ATP13A4: variants seen among roughly 807,000 people sequenced by gnomAD.
The protein encoded by ATP13A4 is probable cation-transporting ATPase 13A4.
In ATP13A4, 114 loss-of-function variants were observed where a neutral mutation model predicts 142.5. That is an observed-to-expected ratio of 0.80 (90% CI 0.69 to 0.93). The LOEUF (loss-of-function observed/expected upper bound fraction) is 0.93, where lower values mean the gene tolerates loss of function less well. Among genes scored for constraint, ATP13A4 ranks in the 40% least tolerant of loss-of-function variants. ATP13A4 has a pLI of 0.00. For missense variants in ATP13A4, 1,392 were observed against 1,454.0 expected (o/e 0.96, Z 0.69); for synonymous variants, 488 against 514.8 (o/e 0.95, Z 0.70).
Position 193,554,877 on chromosome 3 carries a change from C to T in ATP13A4, c.-78G>A, listed in dbSNP as rs1723821544. ...GATGAACTCCAACTCGCCGAGCCAC[C>T]GCAGCTCCTCAGCTGACTAAAAGAG... On this transcript the variant is annotated 5_prime_UTR_variant, in exon 1 of 30. Coordinates refer to ENST00000342695, the MANE Select transcript of ATP13A4 (RefSeq NM_032279.4). 13 of 1,612,742 alleles carry T rather than the reference C, an allele frequency of 8.1e-6. No homozygotes were observed. The highest frequency in any genetic ancestry group is 9.3e-6 in the Non-Finnish European group (11 of 1,179,860).
chr3:193,499,495 G>C (rs1720420122), intron 3 of ATP13A4, among the ~76,000 whole-genome samples: 1 of 152,164 alleles, frequency 6.6e-6, no homozygotes, highest in South Asian at 2.1e-4. Context: ...TCATCCTGTG[G>C]TAGGGCAGAT....
rs114408497 is a variant in ATP13A4 at position 193,445,984 on chromosome 3, C to G, written c.2152+2222G>C. Among the ~76,000 whole-genome samples, 379 of 149,864 alleles carry G rather than the reference C, an allele frequency of 2.5e-3. 2 individuals carry two copies. Among genetic ancestry groups the G allele is most frequent in the African/African-American group, 9.1e-3 (371 of 40,784 alleles). ...AACTGGGTGCAAAAAAAAAAAAAGT[C>G]TTAAAGCAAAATTATAAAAAGATAC... On this transcript the variant is annotated intron_variant, in intron 18 of 29. Transcript: ENST00000342695.
chr3:193,429,782 T>C (rs893854770), intron 25 of ATP13A4, among the ~76,000 whole-genome samples: 2 of 152,026 alleles, frequency 1.3e-5, no homozygotes, highest in East Asian at 1.9e-4. Flanking sequence ...TTTTGTTATA[T>C]AATTTTACCA....
intron 1 of ATP13A4, among the ~76,000 whole-genome samples, chr3:193,548,121 G>A (rs1723328305): frequency 6.6e-6 from 1 of 151,972 alleles, no homozygotes. Context: ...GGGAGAGGAG[G>A]ACTAATTGAT....
intron 3 of ATP13A4, among the ~76,000 whole-genome samples, chr3:193,493,799 A>G (rs1342323497): frequency 6.6e-6 from 1 of 152,164 alleles, no homozygotes; most frequent in Non-Finnish European, 1.5e-5. Context: ...ATGAGGCTAC[A>G]TAAGTCCTCG....
intron 26 of ATP13A4, among the ~76,000 whole-genome samples, chr3:193,414,115 C>T (rs1433551530): frequency 6.6e-6 from 1 of 152,164 alleles, no homozygotes; most frequent in African/African-American, 2.4e-5. Flanking sequence ...AAATTAGAAC[C>T]TATGTTGAAA....
intron 10 of ATP13A4, among the ~76,000 whole-genome samples, chr3:193,466,851 A>G (rs1047895194): frequency 2.0e-5 from 3 of 152,196 alleles, no homozygotes; most frequent in African/African-American, 7.2e-5. Context: ...CATATGCCAT[A>G]GTTCAATTGG....
At chr3:193,494,639 G>T (rs1720125905) in intron 3 of ATP13A4, among the ~76,000 whole-genome samples, 1 of 151,900 alleles carries the variant, frequency 6.6e-6, no homozygotes, top group Non-Finnish European at 1.5e-5. Flanking sequence ...GTTCTAAGAG[G>T]TCAATGTATA....
rs549045438 is a variant in ATP13A4 at position 193,478,223 on chromosome 3, C to G, written c.808+5713G>C. Reference sequence around the variant, plus strand: ...GTTACACCTCAAGGAACTAGAGAAACAAGAATAAACCATACCCAAACCCAG... The same window carrying G: ...GTTACACCTCAAGGAACTAGAGAAAGAAGAATAAACCATACCCAAACCCAG... On this transcript the variant is annotated intron_variant, in intron 8 of 29. Transcript: ENST00000342695. Among the ~76,000 whole-genome samples the G allele has an allele frequency of 9.3e-5, 14 of 151,348 alleles. No individual in the cohort carries two copies. The East Asian group carries it at 2.5e-3, about 27-fold the overall frequency.
intron 1 of ATP13A4, among the ~76,000 whole-genome samples, chr3:193,590,710 G>T (rs1724747484): frequency 6.6e-6 from 1 of 152,216 alleles, no homozygotes; most frequent in African/African-American, 2.4e-5. Flanking sequence ...CAGCTTGGAG[G>T]TCAGAAGCAA....
At position 193,462,753 on chromosome 3, in the gene ATP13A4, G is replaced by C. The variant is rs1718026050; in HGVS notation, c.1523+9C>G. 1 of 1,611,812 alleles carries C rather than the reference G, an allele frequency of 6.2e-7. No individual in the cohort carries two copies. The highest frequency in any genetic ancestry group is 1.7e-5 in the Admixed American group (1 of 59,984). On this transcript the variant is annotated intron_variant, in intron 13 of 29. Transcript: ENST00000342695. ...GAATGCATTTAGTCCAAGAGTCCAAGGTACTCACCCATTCCTATCACAGGA... is the reference window on the plus strand; with the variant it reads ...GAATGCATTTAGTCCAAGAGTCCAACGTACTCACCCATTCCTATCACAGGA...
At chr3:193,521,224 C>T (rs1292162291) in intron 1 of ATP13A4, among the ~76,000 whole-genome samples, 1 of 152,094 alleles carries the variant, frequency 6.6e-6, no homozygotes. Context: ...TTTAAAATAA[C>T]TATAATTCAG....
intron 23 of ATP13A4, among the ~76,000 whole-genome samples, chr3:193,437,825 A>ATTTTTTTTTTTTTTTTTTTTTTTTTTTTT (rs372139378): frequency 9.7e-6 from 1 of 102,990 alleles, no homozygotes; most frequent in Non-Finnish European, 1.9e-5. Context: ...GCCAATAAAG[A>ATTTTTTTTTTTTTTTTTTTTTTTTTTTTT]TTTTTTTTTT....
chr3:193,584,843 A>G (rs1724637263), intron 1 of ATP13A4, among the ~76,000 whole-genome samples: 1 of 152,134 alleles, frequency 6.6e-6, no homozygotes, highest in Admixed American at 6.5e-5. Context: ...ATGCAAATCT[A>G]CAATTTTAAA....
chr3:193,467,016 A>G (rs1263095718), intron 10 of ATP13A4, among the ~76,000 whole-genome samples: 1 of 152,180 alleles, frequency 6.6e-6, no homozygotes, highest in East Asian at 1.9e-4. Context: ...TAACTTAATT[A>G]TATATTTTTA....
chr3:193,407,812 G>T (rs145086665), intron 28 of ATP13A4, among the ~76,000 whole-genome samples: 196 of 152,308 alleles, frequency 1.3e-3, no homozygotes, highest in African/African-American at 4.5e-3. Flanking sequence ...AGGCCTGATG[G>T]TACCCATGTC....
chr3:193,543,123 G>A (rs1365979536), intron 1 of ATP13A4, among the ~76,000 whole-genome samples: 2 of 148,474 alleles, frequency 1.3e-5, no homozygotes, highest in Admixed American at 6.7e-5. Context: ...AGCTGAGATC[G>A]CACCACTGCA....
At chr3:193,517,436 G>T (rs140071688) in intron 1 of ATP13A4, among the ~76,000 whole-genome samples, 62 of 152,144 alleles carry the variant, frequency 4.1e-4, no homozygotes, top group Non-Finnish European at 7.5e-4. Flanking sequence ...GGTGTGAAGC[G>T]AATGCTTCAC....
intron 2 of ATP13A4, among the ~76,000 whole-genome samples, chr3:193,565,710 A>G (rs780659209): frequency 3.3e-5 from 5 of 152,054 alleles, no homozygotes; most frequent in Non-Finnish European, 7.4e-5. Context: ...CCCTGCAGAG[A>G]GCTCCTTCCC....
Sources: allele counts gnomAD v4.1 joint callset (sites outside exome capture counted in the v4.1 genomes callset), GRCh38; gene constraint gnomAD v4.1.1; transcripts MANE v1.5; gene names NCBI Gene and HGNC (gene_info 2026-07-23, HGNC 2026-07-21).